Variants in KIF2A observed in about 807,000 individuals in gnomAD.
KIF2A encodes kinesin-like protein KIF2A.
In KIF2A, 22 loss-of-function variants were observed where a neutral mutation model predicts 100.2. The observed-to-expected ratio is 0.22, with a 90% CI of 0.16 to 0.31. The LOEUF is 0.31. Among genes scored for constraint, KIF2A ranks in the 10% least tolerant of loss-of-function variants. KIF2A has a pLI of 1.00. For synonymous variants in KIF2A, 268 were observed against 285.9 expected, an observed-to-expected ratio of 0.94 and a Z score of 0.63; for missense variants, 495 against 898.7, an observed-to-expected ratio of 0.55 and a Z score of 5.74.
In KIF2A at chr5:62,365,267, A is replaced by G; in HGVS notation, c.1492A>G (p.Asn498Asp). The change falls in exon 15 of 21, where the codon AAT becomes GAT. Residue 498 changes from asparagine to aspartate, a missense_variant. Asn to Asp is a conservative substitution (Grantham distance 23). Around this residue, in one of 10 missense-constraint regions of KIF2A, gnomAD observed 16 missense variants for 78.1 expected, o/e 0.20. Transcript: ENST00000407818. ...GGAGTGCATCAGAGCCTTAGGTAGA[A>G]ATAAACCTCATACTCCTTTCCGTGC... ...LKECIRALGR[N>D]KPHTPFRASK... The G allele has an allele frequency of 6.2e-7, 1 of 1,605,124 alleles. No homozygotes were observed. The highest frequency in any genetic ancestry group is 8.5e-7 in the Non-Finnish European group (1 of 1,174,332).
At position 62,390,892 on chromosome 5, in the gene KIF2A, T is replaced by C; in HGVS notation, c.*5323T>C. On this transcript the variant is annotated 3_prime_UTR_variant, in exon 21 of 21. Coordinates refer to ENST00000407818, the MANE Select transcript of KIF2A (RefSeq NM_001098511.3). ...TGTAATTACCTGATGAAGTCATCTA[T>C]GTCCATGGAACGGGCCCGTTTGTCA... The C allele has an allele frequency of 1.2e-6, 2 of 1,611,998 alleles. No homozygotes were observed. The highest frequency in any genetic ancestry group is 1.7e-6 in the Non-Finnish European group (2 of 1,179,770).
intron 14 of KIF2A, among the ~76,000 whole-genome samples, chr5:62,364,898 C>T (rs1035647674): frequency 6.6e-6 from 1 of 152,090 alleles, no homozygotes; most frequent in Admixed American, 6.6e-5. Context: ...AGTTCGATAC[C>T]AGCCTGGTCA....
At chr5:62,328,784 G>A (rs964869476) in intron 1 of KIF2A, among the ~76,000 whole-genome samples, 5 of 152,132 alleles carry the variant, frequency 3.3e-5, no homozygotes, top group Admixed American at 1.3e-4. Flanking sequence ...GAGCCACCGT[G>A]CCCGGCCTGA....
chr5:62,357,755 T>G lies in KIF2A; in HGVS notation c.709+10T>G, dbSNP rs749562947. The G allele has an allele frequency of 6.2e-6, 9 of 1,462,064 alleles. No individual in the cohort carries two copies. In the East Asian group the frequency reaches 1.8e-4, roughly 30 times the overall value. The allele number at this position is 1,462,064 out of a possible 1,614,324, so 90.6% of individuals were successfully genotyped here. A position where few individuals can be genotyped will look rare whatever the true frequency, so the allele number is the denominator to read the frequency against. ...CCACTCAATAAAAAAGGTATGGCACTTAATGAGCTCTAATAAAAGATTGAT... is the reference window on the plus strand; with the variant it reads ...CCACTCAATAAAAAAGGTATGGCACGTAATGAGCTCTAATAAAAGATTGAT... On this transcript the variant is annotated intron_variant, in intron 8 of 20. Transcript: ENST00000407818.
At chr5:62,385,391 A>T in intron 20 of KIF2A, 93 bp from the exon 21 acceptor site, 1 of 813,106 alleles carries the variant, frequency 1.2e-6, no homozygotes, top group Non-Finnish European at 2.0e-6. Context: ...ACTGTTAGGA[A>T]ATAACACAGC....
intron 1 of KIF2A, among the ~76,000 whole-genome samples, chr5:62,326,437 A>G (rs1746383255): frequency 6.6e-6 from 1 of 152,070 alleles, no homozygotes; most frequent in Admixed American, 6.5e-5. Context: ...AATATAAACA[A>G]CCAGTAAAGA....
intron 19 of KIF2A, among the ~76,000 whole-genome samples, chr5:62,379,710 T>C (rs1170719180): frequency 6.6e-6 from 1 of 151,964 alleles, no homozygotes; most frequent in African/African-American, 2.4e-5. Flanking sequence ...CTAATTAATA[T>C]GTTTCCTAAT....
intron 1 of KIF2A, among the ~76,000 whole-genome samples, chr5:62,341,233 G>A (rs778905136): frequency 1.3e-5 from 2 of 152,090 alleles, no homozygotes; most frequent in Non-Finnish European, 2.9e-5. Context: ...CTTTCTGGAT[G>A]TGTACACTGG....
chr5:62,370,202 G>A (rs1741257676), intron 16 of KIF2A, among the ~76,000 whole-genome samples: 3 of 152,122 alleles, frequency 2.0e-5, no homozygotes, highest in Admixed American at 2.0e-4. Context: ...TTTTATATGG[G>A]AATTGTGGGA....
chr5:62,334,550 CTCCTCCTCTCG>C (rs1746834347), intron 1 of KIF2A, among the ~76,000 whole-genome samples: 1 of 147,264 alleles, frequency 6.8e-6, no homozygotes, highest in South Asian at 2.2e-4. Flanking sequence ...CCTTCTCCTA[CTCCTCCTCTCG>C]TCCTCCACTT....
intron 1 of KIF2A, among the ~76,000 whole-genome samples, chr5:62,321,318 T>TA (rs1364030211): frequency 6.6e-6 from 1 of 152,192 alleles, no homozygotes; most frequent in Admixed American, 6.5e-5. Flanking sequence ...TAACTATACT[T>TA]ACTTTTTGAG....
chr5:62,371,512 A>C (rs540526169), intron 16 of KIF2A, among the ~76,000 whole-genome samples: 38 of 152,342 alleles, frequency 2.5e-4, no homozygotes, highest in African/African-American at 8.9e-4. Flanking sequence ...TGGTTATTAT[A>C]TTGAAGTGTT....
chr5:62,365,675 CAT>C (rs1741030461), intron 15 of KIF2A, among the ~76,000 whole-genome samples: 1 of 152,110 alleles, frequency 6.6e-6, no homozygotes, highest in South Asian at 2.1e-4. Context: ...GGGGTTATAT[CAT>C]GTGCATTATG....
At chr5:62,322,292 A>G (rs1746140077) in intron 1 of KIF2A, among the ~76,000 whole-genome samples, 1 of 152,194 alleles carries the variant, frequency 6.6e-6, no homozygotes, top group African/African-American at 2.4e-5. Flanking sequence ...TATCTGATAC[A>G]TGCTTTATAG....
chr5:62,364,841 TC>T (rs1360467310), intron 14 of KIF2A, among the ~76,000 whole-genome samples: 2 of 152,314 alleles, frequency 1.3e-5, no homozygotes, highest in Non-Finnish European at 1.5e-5. Context: ...ACGTCTGTAA[TC>T]CCAGCACTTT....
chr5:62,311,592 T>A (rs1745554124), intron 1 of KIF2A, among the ~76,000 whole-genome samples: 1 of 152,194 alleles, frequency 6.6e-6, no homozygotes, highest in Non-Finnish European at 1.5e-5. Context: ...TTGCCACATT[T>A]TTCTTCTGCT....
rs1049277856 is a variant in KIF2A at position 62,306,261 on chromosome 5, C to A, written c.-212C>A. 4 of 533,044 alleles carry A rather than the reference C, an allele frequency of 7.5e-6. No individual in the cohort carries two copies. Among genetic ancestry groups the A allele is most frequent in the African/African-American group, 2.0e-5 (1 of 48,814 alleles). The allele number at this position is 533,044 out of a possible 1,614,324, so 33.0% of individuals were successfully genotyped here. ...CCCTAGCTTCACCCCGACTACCCGG[C>A]GTGCGCGTCCTCCTGCCGGCCTGCA... On this transcript the variant is annotated 5_prime_UTR_variant, in exon 1 of 21. Transcript: ENST00000407818.
chr5:62,336,372 G>A (rs1311850732), intron 1 of KIF2A, among the ~76,000 whole-genome samples: 1 of 152,192 alleles, frequency 6.6e-6, no homozygotes, highest in Non-Finnish European at 1.5e-5. Context: ...AGGCAGCCCA[G>A]TACAGTTATG....
intron 1 of KIF2A, among the ~76,000 whole-genome samples, chr5:62,309,737 C>T (rs1306170057): frequency 2.6e-5 from 4 of 152,060 alleles, no homozygotes; most frequent in African/African-American, 9.7e-5. Flanking sequence ...TATTTCAGAC[C>T]ACACTTTTCC....
Sources: gnomAD v4.1 joint callset for allele counts (sites outside exome capture counted in the v4.1 genomes callset) on GRCh38, gnomAD v4.1.1 for gene constraint, gnomAD v4.1.1 regional missense constraint, MANE v1.5 for transcripts, NCBI Gene and HGNC (gene_info 2026-07-23, HGNC 2026-07-21) for gene names.